The following MARCO variants were observed in gnomAD, a reference collection of about 807,000 sequenced individuals.
The protein encoded by MARCO is macrophage receptor with collagenous structure.
MARCO carries 72 observed loss-of-function variants against 70.0 expected under a neutral mutation model. The ratio of observed to expected loss-of-function variants is 1.03; its 90% confidence interval spans 0.85 to 1.25. The LOEUF (loss-of-function observed/expected upper bound fraction) is 1.25. Ranked by LOEUF, MARCO falls within the 50% of genes most tolerant of loss-of-function variation. The probability of loss-of-function intolerance (pLI) is 0.00; values close to 1 mark genes in which losing one functional copy is unlikely to be tolerated. For synonymous variants in MARCO, 273 were observed against 243.1 expected, an observed-to-expected ratio of 1.12 and a Z score of -1.14; for missense variants, 696 against 659.3, an observed-to-expected ratio of 1.06 and a Z score of -0.61.
At chr2:118,945,346 C>T (rs987439242) in intron 1 of MARCO, among the ~76,000 whole-genome samples, 1 of 151,966 alleles carries the variant, frequency 6.6e-6, no homozygotes, top group Admixed American at 6.5e-5. Flanking sequence ...GTTACCACAG[C>T]CTAACAAGAC....
intron 15 of MARCO, 40 bp downstream of exon 15, chr2:118,992,516 G>A: frequency 2.0e-6 from 3 of 1,515,168 alleles, no homozygotes; most frequent in East Asian, 2.3e-5. Flanking sequence ...GTGCTTTAAA[G>A]TCAATTCTGC....
At chr2:118,951,581 T>C (rs1027512760) in intron 1 of MARCO, among the ~76,000 whole-genome samples, 4 of 152,250 alleles carry the variant, frequency 2.6e-5, no homozygotes, top group South Asian at 2.1e-4. Flanking sequence ...TACGGGTTAC[T>C]GGGTTAAGGA....
intron 4 of MARCO, 26 bp from the exon 5 acceptor site, chr2:118,974,307 T>G: frequency 1.4e-6 from 2 of 1,386,806 alleles, no homozygotes; most frequent in Non-Finnish European, 2.0e-6. Context: ...GACTGACTCA[T>G]TAGTGTCTCT....
Position 118,991,830 on chromosome 2 carries a change from G to T in MARCO, c.1162G>T (p.Gly388Ter). ...QGSPGLAGPK[G>*]APGQAGQKGD... Reference sequence around the variant, plus strand: ...GAGCCCAGGGCTGGCAGGTCCCAAGGGAGCCCCTGGACAAGCTGGCCAGAA... The same window carrying T: ...GAGCCCAGGGCTGGCAGGTCCCAAGTGAGCCCCTGGACAAGCTGGCCAGAA... The change falls in exon 14 of 17, where the codon GGA becomes TGA. Residue 388 changes from glycine to a stop codon, truncating the protein, a stop_gained. Coordinates refer to ENST00000327097, the MANE Select transcript of MARCO (RefSeq NM_006770.4). LOFTEE classifies it high-confidence loss of function. 1 of 1,601,268 alleles carries T rather than the reference G, an allele frequency of 6.2e-7. No homozygotes were observed. Among genetic ancestry groups the T allele is most frequent in the Non-Finnish European group, 8.5e-7 (1 of 1,175,212 alleles).
chr2:118,981,516 G>T lies in MARCO; in HGVS notation c.865+9G>T, dbSNP rs1186417625. The stretch of plus-strand genomic sequence containing the variant: ...GAGGCCAGGCCCACCAGGTAAGAGG[G>T]CACGTGGTCACATCCACTGACCTCT... On this transcript the variant is annotated intron_variant, in intron 9 of 16. Transcript: ENST00000327097. The T allele has an allele frequency of 1.2e-6, 2 of 1,601,304 alleles. No individual in the cohort carries two copies. Among genetic ancestry groups the T allele is most frequent in the Non-Finnish European group, 8.5e-7 (1 of 1,174,014 alleles).
At chr2:118,986,604 A>AGAAG (rs1553416616) in intron 12 of MARCO, among the ~76,000 whole-genome samples, 3 of 17,390 alleles carry the variant, frequency 1.7e-4, no homozygotes, top group Non-Finnish European at 3.2e-4. Context: ...AAAGAAAGAA[A>AGAAG]GAAAGAAAGA....
chr2:118,956,922 A>C (rs1171583271), intron 1 of MARCO, among the ~76,000 whole-genome samples: 1 of 152,170 alleles, frequency 6.6e-6, no homozygotes, highest in Admixed American at 6.6e-5. Flanking sequence ...TCAAGATGGA[A>C]ATTTAAAAAT....
chr2:118,946,538 T>C (rs1558827459), intron 1 of MARCO, among the ~76,000 whole-genome samples: 1 of 152,220 alleles, frequency 6.6e-6, no homozygotes, highest in Non-Finnish European at 1.5e-5. Flanking sequence ...TTCCATGATA[T>C]GAATATATCA....
intron 12 of MARCO, among the ~76,000 whole-genome samples, chr2:118,986,717 GAAAGAAAAGAAA>G (rs1680520214): frequency 8.8e-5 from 9 of 102,074 alleles, no homozygotes; most frequent in South Asian, 7.6e-4. Context: ...AAGAAAGAAA[GAAAGAAAAGAAA>G]GAAAGAAAGA....
At position 118,958,757 on chromosome 2, in the gene MARCO, T is replaced by C. The variant is rs541096306; in HGVS notation, c.98-10403T>C. 3.9e-5 allele frequency among the ~76,000 whole-genome samples: 6 copies of C among 152,262 alleles called. No individual in the cohort carries two copies. In the East Asian group the frequency reaches 9.6e-4, roughly 24 times the overall value. ...CATCACACTATCTGATTTCAAACTA[T>C]ACTATAAGGCCACAGTCACCAAAAC... On this transcript the variant is annotated intron_variant, in intron 1 of 16. Transcript: ENST00000327097.
rs533071936 is a variant in MARCO, at chr2:118,987,768, C to T, written c.1064-2821C>T. 1.8e-4 allele frequency among the ~76,000 whole-genome samples: 27 copies of T among 152,338 alleles called. No homozygotes were observed. In the South Asian group the frequency reaches 3.7e-3, roughly 21 times the overall value. ...TCCAGTCCCACTAAATCAGTGACTC[C>T]GGTGGGACCTAGCAAGTTGTTTACT... On this transcript the variant is annotated intron_variant, in intron 12 of 16. Transcript: ENST00000327097.
chr2:118,974,175 G>A (rs1395626589), intron 4 of MARCO, among the ~76,000 whole-genome samples, 158 bp from the exon 5 acceptor site: 1 of 152,210 alleles, frequency 6.6e-6, no homozygotes, highest in Non-Finnish European at 1.5e-5. Context: ...TGGGTTTCTT[G>A]CAGGAGGAGC....
chr2:118,943,438 T>C (rs1679540910), intron 1 of MARCO, among the ~76,000 whole-genome samples: 1 of 150,800 alleles, frequency 6.6e-6, no homozygotes, highest in African/African-American at 2.4e-5. Context: ...AGCACCTATT[T>C]CCAGCAGGGC....
intron 1 of MARCO, among the ~76,000 whole-genome samples, chr2:118,964,887 CAA>C (rs35141497): frequency 7.5e-4 from 100 of 133,288 alleles, no homozygotes; most frequent in East Asian, 2.7e-3. Flanking sequence ...GATACCATCT[CAA>C]AAAAAAAAAA....
At position 118,989,639 on chromosome 2, in the gene MARCO, T is replaced by A. The variant is rs929637465; in HGVS notation, c.1064-950T>A. On this transcript the variant is annotated intron_variant, in intron 12 of 16. Coordinates refer to ENST00000327097, the MANE Select transcript of MARCO (RefSeq NM_006770.4). ...TGCTTGGGAAATCCAGGGATTGAAG[T>A]GAGAGGTGGGGCAGGGCAGGCAGAA... Among the ~76,000 whole-genome samples, 18 of 152,026 alleles carry A rather than the reference T, an allele frequency of 1.2e-4. 1 individual carries two copies. The highest frequency in any genetic ancestry group is 2.2e-4 in the Non-Finnish European group (15 of 67,998).
chr2:118,968,643 A>C (rs867864635), intron 1 of MARCO, among the ~76,000 whole-genome samples: 4 of 152,162 alleles, frequency 2.6e-5, no homozygotes, highest in Admixed American at 1.3e-4. Context: ...TATATCAAGC[A>C]TGTTTTACTT....
chr2:118,963,952 T>G (rs1679995959), intron 1 of MARCO, among the ~76,000 whole-genome samples: 1 of 152,204 alleles, frequency 6.6e-6, no homozygotes, highest in Non-Finnish European at 1.5e-5. Context: ...CTTGCCTTCC[T>G]GTGGATTATT....
At chr2:118,966,966 C>A (rs1010618525) in intron 1 of MARCO, among the ~76,000 whole-genome samples, 3 of 152,212 alleles carry the variant, frequency 2.0e-5, no homozygotes, top group African/African-American at 7.2e-5. Context: ...ACTTCTAACT[C>A]TGCACATGTT....
At chr2:118,992,341 A>T in intron 14 of MARCO, 91 bp from the exon 15 acceptor site, 1 of 1,065,076 alleles carries the variant, frequency 9.4e-7, no homozygotes, top group Non-Finnish European at 1.5e-6. Flanking sequence ...ACCACTCCCA[A>T]CCCTCCACCC....
Sources: gnomAD v4.1 joint callset for allele counts (sites outside exome capture counted in the v4.1 genomes callset) on GRCh38, gnomAD v4.1.1 for gene constraint, MANE v1.5 for transcripts, NCBI Gene and HGNC (gene_info 2026-07-23, HGNC 2026-07-21) for gene names.